Variants in OTOGL observed in about 807,000 individuals in gnomAD.
OTOGL encodes otogelin-like protein.
OTOGL carries 285 observed loss-of-function variants against 318.5 expected under a neutral mutation model. The observed-to-expected ratio is 0.89, with a 90% confidence interval of 0.81 to 0.99. OTOGL has a LOEUF of 0.99. Ranked by LOEUF, OTOGL falls within the 50% of genes least tolerant of loss-of-function variation. OTOGL has a pLI of 0.00. For missense variants in OTOGL, 2,899 were observed against 2,845.6 expected (o/e 1.02, Z -0.43); for synonymous variants, 987 against 936.5 (o/e 1.05, Z -0.99).
chr12:80,354,733 T>G (rs1566009148), intron 46 of OTOGL, among the ~76,000 whole-genome samples: 1 of 152,206 alleles, frequency 6.6e-6, no homozygotes, highest in South Asian at 2.1e-4. Flanking sequence ...TGCTTATATT[T>G]GTTCTTTAGA....
intron 1 of OTOGL, among the ~76,000 whole-genome samples, chr12:80,158,848 GGCTA>G (rs1214855216): frequency 6.6e-6 from 1 of 151,986 alleles, no homozygotes; most frequent in Non-Finnish European, 1.5e-5. Flanking sequence ...TGATTGCTCT[GGCTA>G]GGACTTCCAG....
At chr12:80,146,282 T>C (rs1272677494) in intron 1 of OTOGL, among the ~76,000 whole-genome samples, 3 of 146,990 alleles carry the variant, frequency 2.0e-5, no homozygotes, top group Admixed American at 2.0e-4. Flanking sequence ...TGTTGAATTT[T>C]GTCAAAGGCT....
At chr12:80,251,923 G>A (rs553123773) in intron 12 of OTOGL, 124 bp downstream of exon 12, 1 of 1,182,128 alleles carries the variant, frequency 8.5e-7, no homozygotes, top group South Asian at 2.0e-5. Flanking sequence ...AGATATCCAT[G>A]AACTTGCATA....
In OTOGL at chr12:80,112,705, C is replaced by CTTTTTTTTTTTTT. The variant is rs546093754; in HGVS notation, c.-20+13103_-20+13104insTTTTTTTTTTTTT. Among the ~76,000 whole-genome samples, 17 of 128,644 alleles carry CTTTTTTTTTTTTT rather than the reference C, an allele frequency of 1.3e-4. 1 individual carries two copies. Among genetic ancestry groups the CTTTTTTTTTTTTT allele is most frequent in the Non-Finnish European group, 1.1e-4 (7 of 61,188 alleles). The allele number at this position is 128,644 out of a possible 152,430, so 84.4% of individuals were successfully genotyped here. On this transcript the variant is annotated intron_variant, in intron 1 of 58. Transcript: ENST00000547103. ...ATTAGGGATATTTGCCTGAAATTTT[C>CTTTTTTTTTTTTT]TTTCTTTTTTTTTTTTTTGTTGTGT...
intron 37 of OTOGL, among the ~76,000 whole-genome samples, chr12:80,330,550 C>G (rs1314081205): frequency 1.3e-5 from 2 of 152,154 alleles, no homozygotes; most frequent in African/African-American, 4.8e-5. Context: ...AAGTATTGCT[C>G]TCTACTTTGA....
intron 1 of OTOGL, among the ~76,000 whole-genome samples, chr12:80,147,186 G>A (rs945874685): frequency 6.6e-6 from 1 of 151,106 alleles, no homozygotes; most frequent in Non-Finnish European, 1.5e-5. Flanking sequence ...TCTCCTGTGG[G>A]CATTTAGTGC....
chr12:80,262,114 T>C lies in OTOGL; in HGVS notation c.2014+21T>C, dbSNP rs143451542. The C allele has an allele frequency of 4.6e-4, 741 of 1,596,068 alleles. 7 individuals are homozygous for C. In the African/African-American group the frequency reaches 8.0e-3, roughly 17 times the overall value. On this transcript the variant is annotated intron_variant, in intron 19 of 58. Coordinates refer to ENST00000547103, the MANE Select transcript of OTOGL (RefSeq NM_001378609.3). ...AAACAGTAAGTTTTGCATGTAAACT[T>C]CCTTTCTGCTGTAAACTTAGGGAAA...
rs1870746152 is a variant in OTOGL, at chr12:80,125,203, A to T, written c.-20+25598A>T. 1.1e-4 allele frequency among the ~76,000 whole-genome samples: 17 copies of T among 152,282 alleles called. No homozygotes were observed. The South Asian group carries it at 3.5e-3, about 32-fold the overall frequency. ...CATAGATAGCTCTTATTATTTTGAGATATGTCCCATCAATACCTAATTTAT... is the reference window on the plus strand; with the variant it reads ...CATAGATAGCTCTTATTATTTTGAGTTATGTCCCATCAATACCTAATTTAT... On this transcript the variant is annotated intron_variant, in intron 1 of 58. Coordinates refer to ENST00000547103, the MANE Select transcript of OTOGL (RefSeq NM_001378609.3).
At chr12:80,237,648 G>C (rs1016317326) in intron 9 of OTOGL, among the ~76,000 whole-genome samples, 7 of 152,132 alleles carry the variant, frequency 4.6e-5, no homozygotes. Context: ...GAGCGGGTTG[G>C]GAGTAAGGGG....
intron 37 of OTOGL, among the ~76,000 whole-genome samples, chr12:80,331,597 C>T (rs182830718): frequency 2.6e-5 from 4 of 152,030 alleles, no homozygotes; most frequent in Admixed American, 2.0e-4. Context: ...TCCTCGGCCT[C>T]CCAAAGTGCT....
chr12:80,179,417 G>A (rs543152687), intron 1 of OTOGL, among the ~76,000 whole-genome samples: 8 of 152,212 alleles, frequency 5.3e-5, no homozygotes, highest in African/African-American at 1.9e-4. Context: ...GGGCACTAAT[G>A]GAGGTGAAAA....
chr12:80,313,269 C>A (rs1008857471), intron 30 of OTOGL, among the ~76,000 whole-genome samples: 30 of 152,026 alleles, frequency 2.0e-4, no homozygotes, highest in Non-Finnish European at 3.8e-4. Flanking sequence ...CTTATTATTT[C>A]TTTTGCTAGT....
intron 1 of OTOGL, among the ~76,000 whole-genome samples, chr12:80,195,705 C>T (rs1876011919): frequency 1.3e-5 from 2 of 152,162 alleles, no homozygotes; most frequent in African/African-American, 2.4e-5. Context: ...CTTTAAGGGT[C>T]ACAGTGGTGT....
chr12:80,173,630 C>T (rs1874349820), intron 1 of OTOGL, among the ~76,000 whole-genome samples: 1 of 152,140 alleles, frequency 6.6e-6, no homozygotes, highest in African/African-American at 2.4e-5. Context: ...CTATCTCATT[C>T]CATGGCTAAG....
intron 24 of OTOGL, among the ~76,000 whole-genome samples, chr12:80,276,175 G>A (rs553020455): frequency 6.6e-6 from 1 of 151,770 alleles, no homozygotes; most frequent in Admixed American, 6.6e-5. Flanking sequence ...AAGAATTGTG[G>A]TTCATTTTGG....
Position 80,323,849 on chromosome 12 carries a change from C to A in OTOGL, c.4199+9C>A. 1 of 1,585,890 alleles carries A rather than the reference C, an allele frequency of 6.3e-7. No individual in the cohort carries two copies. The highest frequency in any genetic ancestry group is 8.7e-7 in the Non-Finnish European group (1 of 1,154,860). On this transcript the variant is annotated intron_variant, in intron 35 of 58. Coordinates refer to ENST00000547103, the MANE Select transcript of OTOGL (RefSeq NM_001378609.3). The stretch of plus-strand genomic sequence containing the variant: ...TGTAAATTTCTTCCACCGTAAGTAA[C>A]GTTTACCAATAAGTGATCAAAGTCC...
At chr12:80,190,837 T>C (rs1875644406) in intron 1 of OTOGL, among the ~76,000 whole-genome samples, 1 of 150,934 alleles carries the variant, frequency 6.6e-6, no homozygotes, top group South Asian at 2.1e-4. Flanking sequence ...AAGTTTTGTT[T>C]CATGTTAGCA....
At chr12:80,240,703 G>A (rs772080862) in intron 11 of OTOGL, among the ~76,000 whole-genome samples, 2 of 152,008 alleles carry the variant, frequency 1.3e-5, no homozygotes, top group Non-Finnish European at 1.5e-5. Flanking sequence ...AGTTTCCATT[G>A]GAAATTAATG....
intron 26 of OTOGL, among the ~76,000 whole-genome samples, chr12:80,285,186 G>A (rs1329111904): frequency 6.6e-6 from 1 of 152,060 alleles, no homozygotes; most frequent in Non-Finnish European, 1.5e-5. Flanking sequence ...TCAGGTGGTT[G>A]TAGATATGTG....
Sources: allele counts gnomAD v4.1 joint callset (sites outside exome capture counted in the v4.1 genomes callset), GRCh38; gene constraint gnomAD v4.1.1; transcripts MANE v1.5; gene names NCBI Gene and HGNC (gene_info 2026-07-23, HGNC 2026-07-21).